Variants in SLC48A1 observed in about 807,000 individuals in gnomAD.
SLC48A1 encodes the protein solute carrier family 48 member 1.
SLC48A1 carries 6 observed loss-of-function variants against 14.8 expected under a neutral mutation model. The ratio of observed to expected loss-of-function variants is 0.41; its 90% CI spans 0.22 to 0.80. The LOEUF is 0.80. SLC48A1 is among the 30% of genes least tolerant of loss of function. The probability of loss-of-function intolerance (pLI) is 0.34; values close to 1 mark genes in which losing one functional copy is unlikely to be tolerated. For synonymous variants in SLC48A1, 89 were observed against 90.0 expected, an observed-to-expected ratio of 0.99 and a Z score of 0.06; for missense variants, 165 against 204.8, an observed-to-expected ratio of 0.81 and a Z score of 1.19.
intron 1 of SLC48A1, chr12:47,758,982 G>A (rs1942270126): frequency 1.0e-6 from 1 of 999,236 alleles, no homozygotes; most frequent in Admixed American, 5.9e-5. Context: ...CCTGCCTTAC[G>A]GTAGAGGAAT....
chr12:47,759,449 A>G (rs1592591134), intron 1 of SLC48A1, among the ~76,000 whole-genome samples: 1 of 152,212 alleles, frequency 6.6e-6, no homozygotes, highest in Non-Finnish European at 1.5e-5. Context: ...CAGTTGAGGA[A>G]ACTGAGGCTG....
At chr12:47,768,376 G>A (rs1055297964), upstream of SLC48A1, among the ~76,000 whole-genome samples, 1 of 152,186 alleles carries the variant, frequency 6.6e-6, no homozygotes, top group Non-Finnish European at 1.5e-5. Context: ...GCTGCTGCAG[G>A]TAGGTAGGTG....
upstream of SLC48A1, among the ~76,000 whole-genome samples, chr12:47,767,627 G>T (rs1052816781): frequency 3.9e-5 from 6 of 152,196 alleles, no homozygotes; most frequent in Admixed American, 3.9e-4. Flanking sequence ...GGGGTGGAAA[G>T]TAAAAATACA....
At position 47,780,462 on chromosome 12, in the gene SLC48A1, G is replaced by A. The variant is rs770864501; in HGVS notation, c.*181G>A. The A allele has an allele frequency of 3.2e-6, 3 of 950,524 alleles. No individual in the cohort carries two copies. In the South Asian group the frequency reaches 3.9e-5, roughly 12 times the overall value. 58.9% of individuals were successfully genotyped at this position (950,524 alleles called of 1,614,324 possible). ...CCCGTCCCCTTTCGAGGAAACCTGA[G>A]TGTGGTAGAGAGGGGATCCTGCCAT... On this transcript the variant is annotated 3_prime_UTR_variant, in exon 3 of 3. Transcript: ENST00000442218.
upstream of SLC48A1, chr12:47,758,220 G>T (rs1000532101): frequency 7.0e-7 from 1 of 1,437,640 alleles, no homozygotes; most frequent in Non-Finnish European, 9.1e-7. Flanking sequence ...CCAGGAGCTG[G>T]GGGGAGGAAC....
At chr12:47,760,695 C>T (rs867803614) in intron 2 of SLC48A1, among the ~76,000 whole-genome samples, 1 of 152,020 alleles carries the variant, frequency 6.6e-6, no homozygotes, top group South Asian at 2.1e-4. Context: ...GAGGTATGTA[C>T]TTCTGTTATC....
chr12:47,773,828 A>ACAC (rs1327765073), intron 1 of SLC48A1, among the ~76,000 whole-genome samples: 5 of 151,610 alleles, frequency 3.3e-5, no homozygotes, highest in Non-Finnish European at 3.0e-5. Context: ...ACACACACAC[A>ACAC]CGCACACACA....
upstream of SLC48A1, among the ~76,000 whole-genome samples, chr12:47,768,274 G>A (rs1942558995): frequency 6.6e-6 from 1 of 152,186 alleles, no homozygotes; most frequent in African/African-American, 2.4e-5. Context: ...ACTGCACCCG[G>A]CCATGGCTAT....
In SLC48A1 at chr12:47,774,883, A is replaced by G. The variant is rs535823714; in HGVS notation, c.136+1443A>G. ...ACCCCGCCACCCTCCATGTTTGTCA[A>G]GGTTCACTTCTCCCTGCCACTTTTT... On this transcript the variant is annotated intron_variant, in intron 1 of 2. Transcript: ENST00000442218. Among the ~76,000 whole-genome samples, 67 of 152,300 alleles carry G rather than the reference A, an allele frequency of 4.4e-4. 1 individual carries two copies. Among genetic ancestry groups the G allele is most frequent in the African/African-American group, 1.5e-3 (62 of 41,554 alleles).
At chr12:47,764,430 A>G (rs1942464899) in intron 2 of SLC48A1, among the ~76,000 whole-genome samples, 1 of 152,192 alleles carries the variant, frequency 6.6e-6, no homozygotes, top group African/African-American at 2.4e-5. Context: ...GCCTCTGTTC[A>G]GGACTCAAAC....
intron 2 of SLC48A1, 30 bp from the exon 3 acceptor site, chr12:47,780,115 A>G (rs924640905): frequency 6.6e-7 from 1 of 1,520,838 alleles, no homozygotes; most frequent in Non-Finnish European, 8.8e-7. Flanking sequence ...GGGCCTGCCA[A>G]AGTCACTGTC....
At chr12:47,760,938 T>G (rs1942363681) in intron 2 of SLC48A1, among the ~76,000 whole-genome samples, 1 of 152,206 alleles carries the variant, frequency 6.6e-6, no homozygotes, top group South Asian at 2.1e-4. Flanking sequence ...GGCTCACGCC[T>G]GTAATCCCAA....
chr12:47,778,678 A>G lies in SLC48A1; in HGVS notation c.137-350A>G. The G allele has an allele frequency of 2.2e-5, 5 of 229,498 alleles. No individual in the cohort carries two copies. In the South Asian group the frequency reaches 3.1e-4, roughly 14 times the overall value. 14.2% of individuals were successfully genotyped at this position (229,498 alleles called of 1,614,324 possible). ...TGAGTTTTAGCTATTGATATATACT[A>G]TATTAGAAGTTAGAACATTTTTTAG... On this transcript the variant is annotated intron_variant, in intron 1 of 2. Transcript: ENST00000442218.
At chr12:47,767,253 T>G (rs1007774354), upstream of SLC48A1, among the ~76,000 whole-genome samples, 2 of 152,134 alleles carry the variant, frequency 1.3e-5, no homozygotes, top group African/African-American at 4.8e-5. Flanking sequence ...CCTGTGGAAC[T>G]CACTACCTAG....
In SLC48A1 at chr12:47,777,115, G is replaced by T. The variant is rs1161697507; in HGVS notation, c.137-1913G>T. Reference sequence around the variant, plus strand: ...CCTCAAATGAAAACATGGGACACATGTGAGGAGTGGGAGGGACTTCTGTGA... The same window carrying T: ...CCTCAAATGAAAACATGGGACACATTTGAGGAGTGGGAGGGACTTCTGTGA... On this transcript the variant is annotated intron_variant, in intron 1 of 2. Transcript: ENST00000442218. This position sits in a 1 kb window ranked among gnomAD's most constrained non-coding sequence, Gnocchi z 4.5. 1.3e-5 allele frequency among the ~76,000 whole-genome samples: 2 copies of T among 152,186 alleles called. No individual in the cohort carries two copies. The highest frequency in any genetic ancestry group is 1.3e-4 in the Admixed American group (2 of 15,282).
upstream of SLC48A1, chr12:47,758,351 C>G (rs1942228208): frequency 1.4e-6 from 2 of 1,457,392 alleles, no homozygotes; most frequent in Middle Eastern, 1.8e-4. Context: ...CTGCCCATGC[C>G]CCTGCAGGGA....
rs1942876754 is a variant in SLC48A1 at position 47,781,517 on chromosome 12, G to C, written c.*1236G>C. ...ACTGGCCCAAGGGCTCACCTAACTT[G>C]GGAGGGAAGGGGCTGTTGGTACAAG... On this transcript the variant is annotated 3_prime_UTR_variant, in exon 3 of 3. Coordinates refer to ENST00000442218, the MANE Select transcript of SLC48A1 (RefSeq NM_017842.3). The C allele has an allele frequency of 6.5e-6, 1 of 153,314 alleles. No homozygotes were observed. The highest frequency in any genetic ancestry group is 1.5e-5 in the Non-Finnish European group (1 of 68,506). 9.5% of individuals were successfully genotyped at this position (153,314 alleles called of 1,614,324 possible).
rs747025439 is a variant in SLC48A1 at position 47,780,674 on chromosome 12, C to A, written c.*393C>A. ...CTCCGCCTCCCAGGTTCAAGCAATT[C>A]TCCTGCCTTGGCCTCTCAAGTAGCT... On this transcript the variant is annotated 3_prime_UTR_variant, in exon 3 of 3. Coordinates refer to ENST00000442218, the MANE Select transcript of SLC48A1 (RefSeq NM_017842.3). 6 of 404,536 alleles carry A rather than the reference C, an allele frequency of 1.5e-5. No homozygotes were observed. In the East Asian group the frequency reaches 4.3e-4, roughly 29 times the overall value. 25.1% of individuals were successfully genotyped at this position (404,536 alleles called of 1,614,324 possible).
chr12:47,761,023 C>G, intron 2 of SLC48A1, among the ~76,000 whole-genome samples: 1 of 151,946 alleles, frequency 6.6e-6, no homozygotes, highest in African/African-American at 2.4e-5. Context: ...ATGGTGAAAC[C>G]CTGTCTCTAC....
Sources: gnomAD v4.1 joint callset for allele counts (sites outside exome capture counted in the v4.1 genomes callset) on GRCh38, gnomAD v4.1.1 for gene constraint, Gnocchi (gnomAD v3.1) non-coding constraint, MANE v1.5 for transcripts, NCBI Gene and HGNC (gene_info 2026-07-23, HGNC 2026-07-21) for gene names.